PVT1: variants seen among roughly 807,000 people sequenced by gnomAD.
PVT1 encodes the protein Pvt1 oncogene, also known as CXCR4/PVT1 fusion.
At chr8:127,976,617 G>T (rs990234070) in intron 3 of PVT1, among the ~76,000 whole-genome samples, 1 of 152,144 alleles carries the variant, frequency 6.6e-6, no homozygotes, top group Non-Finnish European at 1.5e-5. Context: ...AATAACACCG[G>T]CACCTACTTA....
At chr8:128,073,481 AG>A (rs1470237063) in intron 5 of PVT1, among the ~76,000 whole-genome samples, 1 of 152,172 alleles carries the variant, frequency 6.6e-6, no homozygotes, top group African/African-American at 2.4e-5. Context: ...ACAAATCTCC[AG>A]GGGTACTTGG....
At chr8:127,903,033 A>G (rs571969257) in intron 3 of PVT1, among the ~76,000 whole-genome samples, 1 of 152,274 alleles carries the variant, frequency 6.6e-6, no homozygotes, top group South Asian at 2.1e-4. Flanking sequence ...CAGTGGCTGG[A>G]CTAATTTACA....
At chr8:127,971,138 C>T (rs995776905) in intron 3 of PVT1, among the ~76,000 whole-genome samples, 1 of 152,230 alleles carries the variant, frequency 6.6e-6, no homozygotes, top group East Asian at 1.9e-4. Context: ...CTAAACTGCA[C>T]TTCTGATTTC....
chr8:127,997,116 G>T (rs1011686817), intron 4 of PVT1, among the ~76,000 whole-genome samples: 1 of 146,462 alleles, frequency 6.8e-6, no homozygotes, highest in African/African-American at 2.6e-5. Context: ...GTACAATGGC[G>T]TGATCTCAGC....
At chr8:127,897,467 T>C (rs529995814) in intron 3 of PVT1, among the ~76,000 whole-genome samples, 35 of 118,838 alleles carry the variant, frequency 2.9e-4, no homozygotes, top group African/African-American at 1.1e-3. Flanking sequence ...AGAAAGAAAG[T>C]AAGAAAGAAA....
At chr8:127,932,851 A>T (rs548951631) in intron 3 of PVT1, among the ~76,000 whole-genome samples, 1 of 152,292 alleles carries the variant, frequency 6.6e-6, no homozygotes, top group South Asian at 2.1e-4. Context: ...TCTCCAATGC[A>T]TGTGGAGTGT....
chr8:127,920,889 G>T (rs1053728665), intron 3 of PVT1, among the ~76,000 whole-genome samples: 1 of 152,228 alleles, frequency 6.6e-6, no homozygotes, highest in Non-Finnish European at 1.5e-5. Flanking sequence ...ACCAGGAATT[G>T]TAGATGTTGA....
At chr8:127,795,050 G>A (rs1814377927) in intron 1 of PVT1, among the ~76,000 whole-genome samples, 1 of 152,198 alleles carries the variant, frequency 6.6e-6, no homozygotes, top group Admixed American at 6.5e-5. Flanking sequence ...GAGCCATGAT[G>A]TGGTTTGGAG....
At chr8:127,814,103 G>A (rs1020223513) in intron 2 of PVT1, among the ~76,000 whole-genome samples, 1 of 152,208 alleles carries the variant, frequency 6.6e-6, no homozygotes, top group Admixed American at 6.5e-5. Flanking sequence ...AATTATTTTT[G>A]CACTTTCAGT....
At chr8:127,817,999 G>T (rs1217444944) in intron 2 of PVT1, among the ~76,000 whole-genome samples, 1 of 152,138 alleles carries the variant, frequency 6.6e-6, no homozygotes, top group African/African-American at 2.4e-5. Context: ...ACTTGCAGAG[G>T]CAGAACTGAT....
At chr8:127,997,789 A>G (rs1817124770) in intron 4 of PVT1, among the ~76,000 whole-genome samples, 1 of 152,178 alleles carries the variant, frequency 6.6e-6, no homozygotes, top group Admixed American at 6.5e-5. Context: ...TTGAAACATT[A>G]CTTTAGTTTT....
intron 3 of PVT1, among the ~76,000 whole-genome samples, chr8:127,936,336 G>A (rs1563644159): frequency 6.6e-6 from 1 of 152,094 alleles, no homozygotes; most frequent in Non-Finnish European, 1.5e-5. Flanking sequence ...ATAGGCGTGA[G>A]CCACCCCACC....
chr8:127,818,248 G>T (rs1362492164), intron 2 of PVT1, among the ~76,000 whole-genome samples: 1 of 152,124 alleles, frequency 6.6e-6, no homozygotes, highest in Non-Finnish European at 1.5e-5. Context: ...CCTTGAGCTT[G>T]GATACCCCCC....
At chr8:127,868,765 T>C (rs1413367350) in intron 2 of PVT1, among the ~76,000 whole-genome samples, 2 of 610 alleles carry the variant, frequency 3.3e-3, no homozygotes, top group Non-Finnish European at 0.012. Context: ...TCTCCTTCCT[T>C]TTAACATATA....
intron 4 of PVT1, chr8:127,998,147 T>C (rs887101763): frequency 6.6e-6 from 1 of 152,234 alleles, no homozygotes; most frequent in East Asian, 1.9e-4. Flanking sequence ...ACTTTAAAGA[T>C]ACTTTTGTGT....
chr8:127,925,165 T>C (rs2129874225), intron 3 of PVT1, among the ~76,000 whole-genome samples: 1 of 152,352 alleles, frequency 6.6e-6, no homozygotes, highest in Admixed American at 6.5e-5. Context: ...CTTGGTGTAA[T>C]GTTTTCAAGG....
At chr8:128,088,064 T>G (rs1814281674) in intron 5 of PVT1, among the ~76,000 whole-genome samples, 1 of 152,138 alleles carries the variant, frequency 6.6e-6, no homozygotes, top group Non-Finnish European at 1.5e-5. Flanking sequence ...CAGCCGCTAC[T>G]TGTTTTTTTT....
chr8:128,074,809 G>T (rs1814063184), intron 5 of PVT1, among the ~76,000 whole-genome samples: 1 of 152,126 alleles, frequency 6.6e-6, no homozygotes, highest in South Asian at 2.1e-4. Flanking sequence ...TTCCTCCCTG[G>T]AGCTGTGTGC....
intron 2 of PVT1, among the ~76,000 whole-genome samples, chr8:127,813,727 C>A (rs1351342242): frequency 6.6e-6 from 1 of 152,294 alleles, no homozygotes; most frequent in African/African-American, 2.4e-5. Context: ...TTGCTGCACA[C>A]CTCACCTCTG....
Sources: allele counts gnomAD v4.1 joint callset (sites outside exome capture counted in the v4.1 genomes callset), GRCh38; gene constraint gnomAD v4.1.1; transcripts MANE v1.5; gene names NCBI Gene and HGNC (gene_info 2026-07-23, HGNC 2026-07-21).